DOCK1: variants seen among roughly 807,000 people sequenced by gnomAD.
The protein encoded by DOCK1 is dedicator of cytokinesis protein 1.
DOCK1 carries 138 observed loss-of-function variants against 262.7 expected under a neutral mutation model. The observed-to-expected ratio is 0.53, with a 90% CI of 0.46 to 0.61. The LOEUF (loss-of-function observed/expected upper bound fraction) is 0.61, where lower values mean the gene tolerates loss of function less well. DOCK1 is among the 20% of genes least tolerant of loss of function. The probability of loss-of-function intolerance (pLI) is 0.00; values close to 1 mark genes in which losing one functional copy is unlikely to be tolerated. For missense variants in DOCK1, 1,908 were observed against 2,370.7 expected, an observed-to-expected ratio of 0.80 and a Z score of 4.05; for synonymous variants, 866 against 867.4, an observed-to-expected ratio of 1.00 and a Z score of 0.03.
intron 27 of DOCK1, among the ~76,000 whole-genome samples, chr10:127,149,153 T>C: frequency 6.6e-6 from 1 of 152,166 alleles, no homozygotes; most frequent in East Asian, 1.9e-4. Context: ...GTTACATCCC[T>C]TGCATAATTG....
chr10:127,410,846 C>T lies in DOCK1; in HGVS notation c.4350C>T (p.Tyr1450=), dbSNP rs748217004. The change falls in exon 43 of 52, where the codon TAC becomes TAT. Residue 1450 remains tyrosine (Y), a synonymous_variant. Coordinates refer to ENST00000623213, the MANE Select transcript of DOCK1 (RefSeq NM_001290223.2). ...RPVSEQIVSF[Y]RVNEVQRFEY... is the part of the protein sequence containing the mutation. ...TCTGTCTGTCTCTGTACAGTTTTTACAGGGTGAACGAGGTCCAGCGATTTG... is the reference window on the plus strand; with the variant it reads ...TCTGTCTGTCTCTGTACAGTTTTTATAGGGTGAACGAGGTCCAGCGATTTG... 146 of 1,613,614 alleles carry T rather than the reference C, an allele frequency of 9.0e-5. 1 individual carries two copies. The Middle Eastern group carries it at 1.3e-3, about 15-fold the overall frequency.
intron 27 of DOCK1, among the ~76,000 whole-genome samples, chr10:127,141,733 C>T (rs2051277620): frequency 6.6e-6 from 1 of 151,970 alleles, no homozygotes; most frequent in Non-Finnish European, 1.5e-5. Context: ...CCCTGGACTG[C>T]TTTGTTTTGG....
chr10:127,006,363 G>T (rs575184127), intron 10 of DOCK1, among the ~76,000 whole-genome samples: 1 of 152,260 alleles, frequency 6.6e-6, no homozygotes, highest in African/African-American at 2.4e-5. Context: ...AGCATCACGC[G>T]GTGCCGTCTG....
intron 27 of DOCK1, among the ~76,000 whole-genome samples, chr10:127,210,445 GCAGT>G (rs1473824467): frequency 6.6e-6 from 1 of 152,242 alleles, no homozygotes; most frequent in Non-Finnish European, 1.5e-5. Context: ...GGATGATAAT[GCAGT>G]CAGAGGAGGG....
At chr10:126,907,062 C>T (rs1013173317) in intron 1 of DOCK1, among the ~76,000 whole-genome samples, 1 of 152,228 alleles carries the variant, frequency 6.6e-6, no homozygotes, top group African/African-American at 2.4e-5. Context: ...GTGTAACCTG[C>T]ACCCTGTGCA....
chr10:126,925,769 T>TGTGTGTGC (rs1285971289), intron 1 of DOCK1, among the ~76,000 whole-genome samples: 3 of 139,520 alleles, frequency 2.2e-5, no homozygotes, highest in Non-Finnish European at 4.7e-5. Flanking sequence ...TGTGTGTGTG[T>TGTGTGTGC]GCGCCTAGGT....
At chr10:127,281,524 T>A (rs1386510740) in intron 29 of DOCK1, among the ~76,000 whole-genome samples, 3 of 152,176 alleles carry the variant, frequency 2.0e-5, no homozygotes, top group Admixed American at 6.5e-5. Context: ...TTTCAAGGAA[T>A]CTGTTGTCCC....
intron 29 of DOCK1, among the ~76,000 whole-genome samples, chr10:127,319,275 A>C (rs1280697122): frequency 1.3e-5 from 2 of 152,244 alleles, no homozygotes; most frequent in African/African-American, 4.8e-5. Context: ...GTGTTGAAAT[A>C]ATTTCCGTAG....
At chr10:127,324,561 C>T (rs61870288) in intron 29 of DOCK1, among the ~76,000 whole-genome samples, 2,216 of 152,084 alleles carry the variant, frequency 0.015, 28 homozygotes, top group South Asian at 0.028. Context: ...CCCAGTCACG[C>T]CTCTCTTGGG....
At chr10:126,950,974 G>T (rs1346920521) in intron 1 of DOCK1, among the ~76,000 whole-genome samples, 1 of 151,946 alleles carries the variant, frequency 6.6e-6, no homozygotes, top group African/African-American at 2.4e-5. Context: ...CATTGCTGGC[G>T]GTGATTGTGT....
Position 127,339,007 on chromosome 10 carries a change from G to T in DOCK1, c.3046G>T (p.Val1016Phe). 1 of 1,576,436 alleles carries T rather than the reference G, an allele frequency of 6.3e-7. No individual in the cohort carries two copies. The highest frequency in any genetic ancestry group is 8.6e-7 in the Non-Finnish European group (1 of 1,160,686). ...TGTAATTTTCTCTTGATCTTTCAGA[G>T]TCTTCCTGCGAGCAATTAATCAGTA... ...WVIMNMVQNK[V>F]FLRAINQYAD... is the part of the protein sequence containing the mutation. The change falls in exon 30 of 52, where the codon GTC becomes TTC. Residue 1016 changes from valine (V) to phenylalanine (F), a missense_variant and splice_region_variant. By Grantham distance (50) the Val-to-Phe change is conservative. Coordinates refer to ENST00000623213, the MANE Select transcript of DOCK1 (RefSeq NM_001290223.2).
intron 18 of DOCK1, among the ~76,000 whole-genome samples, chr10:127,032,577 T>G (rs542519255): frequency 6.6e-6 from 1 of 152,308 alleles, no homozygotes; most frequent in African/African-American, 2.4e-5. Context: ...AGACAAGGTC[T>G]CAGTCTCGCT....
chr10:127,403,700 A>G (rs1344378889), intron 39 of DOCK1, among the ~76,000 whole-genome samples: 1 of 152,218 alleles, frequency 6.6e-6, no homozygotes, highest in Non-Finnish European at 1.5e-5. Context: ...TGGAAGTTGC[A>G]GTGAGCTGAG....
chr10:127,181,413 C>T (rs1003650471), intron 27 of DOCK1, among the ~76,000 whole-genome samples: 4 of 152,188 alleles, frequency 2.6e-5, no homozygotes, highest in African/African-American at 9.7e-5. Context: ...TGCTGATTTG[C>T]AGGTTTGCAG....
At chr10:127,262,434 C>A (rs1241201510) in intron 29 of DOCK1, among the ~76,000 whole-genome samples, 1 of 152,180 alleles carries the variant, frequency 6.6e-6, no homozygotes. Flanking sequence ...CAAGAGTCAG[C>A]CACCGAGGAG....
At chr10:127,225,002 G>A (rs929224005) in intron 27 of DOCK1, among the ~76,000 whole-genome samples, 2 of 152,026 alleles carry the variant, frequency 1.3e-5, no homozygotes, top group African/African-American at 4.8e-5. Context: ...CTACTGTTGG[G>A]TAAGTTGCTA....
chr10:126,996,555 TTTTA>T (rs2040209963), intron 6 of DOCK1, among the ~76,000 whole-genome samples, 189 bp from the exon 7 acceptor site: 1 of 136,160 alleles, frequency 7.3e-6, no homozygotes, highest in African/African-American at 2.8e-5. Flanking sequence ...TTTTTTTTTT[TTTTA>T]CTTCTCCCAA....
chr10:126,960,751 C>T (rs1264950156), intron 1 of DOCK1, among the ~76,000 whole-genome samples: 10 of 134,404 alleles, frequency 7.4e-5, no homozygotes, highest in Admixed American at 2.2e-4. Context: ...TATATACACA[C>T]ACACACACAC....
In DOCK1 at chr10:127,385,849, T is replaced by C. The variant is rs77537634; in HGVS notation, c.3927+940T>C. On this transcript the variant is annotated intron_variant, in intron 38 of 51. Transcript: ENST00000623213. ...TCCGTCATCACAGGCCTTCTCCTCATGCGAGTTTCTGTCTCAGTCTCCTTC... is the reference window on the plus strand; with the variant it reads ...TCCGTCATCACAGGCCTTCTCCTCACGCGAGTTTCTGTCTCAGTCTCCTTC... Among the ~76,000 whole-genome samples the C allele has an allele frequency of 1.4e-3, 211 of 152,362 alleles. 1 individual carries two copies. Among genetic ancestry groups the C allele is most frequent in the African/African-American group, 5.0e-3 (206 of 41,586 alleles).
Sources: allele counts gnomAD v4.1 joint callset (sites outside exome capture counted in the v4.1 genomes callset), GRCh38; gene constraint gnomAD v4.1.1; transcripts MANE v1.5; gene names NCBI Gene and HGNC (gene_info 2026-07-23, HGNC 2026-07-21).